SUN1: variants seen among roughly 807,000 people sequenced by gnomAD.
SUN1 encodes SUN domain-containing protein 1.
A neutral mutation model predicts 103.2 loss-of-function variants in SUN1; 61 were observed. The ratio of observed to expected loss-of-function variants is 0.59; its 90% CI spans 0.48 to 0.73. The LOEUF (loss-of-function observed/expected upper bound fraction) is 0.73, where lower values mean the gene tolerates loss of function less well. Ranked by LOEUF, SUN1 falls within the 30% of genes least tolerant of loss-of-function variation. SUN1 has a pLI of 0.00. For synonymous variants in SUN1, 490 were observed against 425.7 expected (o/e 1.15, Z -1.86); for missense variants, 1,052 against 1,034.6 (o/e 1.02, Z -0.23).
chr7:825,818 G>T (rs1353275712), intron 1 of SUN1, among the ~76,000 whole-genome samples: 1 of 150,254 alleles, frequency 6.7e-6, no homozygotes, highest in African/African-American at 2.4e-5. Context: ...GAAAAATAAT[G>T]TTTTTATTAG....
In SUN1 at chr7:856,501, C is replaced by T. The variant is rs766529772; in HGVS notation, c.1394+100C>T. ...TGAATGGGGGACCCGGGGCCGGCCT[C>T]CCCCGAGGGTCACCTGAAGGCCCTG... On this transcript the variant is annotated intron_variant, in intron 12 of 18. Coordinates refer to ENST00000401592, the MANE Select transcript of SUN1 (RefSeq NM_001130965.3). 747 of 1,382,422 alleles carry T rather than the reference C, an allele frequency of 5.4e-4. 1 individual carries two copies. The highest frequency in any genetic ancestry group is 2.6e-4 in the Non-Finnish European group (251 of 976,254). 85.6% of individuals were successfully genotyped at this position (1,382,422 alleles called of 1,614,324 possible). A position where few individuals can be genotyped will look rare whatever the true frequency, so the allele number is the denominator to read the frequency against.
rs1321836106 is a variant in SUN1, at chr7:873,638, C to T, written c.*307C>T. 1 of 272,112 alleles carries T rather than the reference C, an allele frequency of 3.7e-6. No individual in the cohort carries two copies. The highest frequency in any genetic ancestry group is 5.0e-5 in the Admixed American group (1 of 20,136). 16.9% of individuals were successfully genotyped at this position (272,112 alleles called of 1,614,324 possible). On this transcript the variant is annotated 3_prime_UTR_variant, in exon 19 of 19. Transcript: ENST00000401592. ...GCATTTCCTCAACAAAGGAGCAAAG[C>T]AGAGGAAGCTGAGAGTCTGGCGTGT...
chr7:850,172 A>C (rs1158584270), intron 5 of SUN1: 3 of 784,674 alleles, frequency 3.8e-6, no homozygotes, highest in Non-Finnish European at 4.0e-6. Flanking sequence ...TTGGTTTAAA[A>C]CAGGGTGAAT....
At chr7:832,727 A>T in intron 1 of SUN1, 126 bp downstream of exon 1, 1 of 749,704 alleles carries the variant, frequency 1.3e-6, no homozygotes. Context: ...GTGAAAAAAA[A>T]TAATAAACTG....
Position 852,901 on chromosome 7 carries a change from C to T in SUN1, c.1002C>T (p.Asp334=), listed in dbSNP as rs201953343. 73 of 1,613,928 alleles carry T rather than the reference C, an allele frequency of 4.5e-5. No homozygotes were observed. Among genetic ancestry groups the T allele is most frequent in the Middle Eastern group, 3.3e-4 (2 of 6,070 alleles). The change falls in exon 9 of 19, where the codon GAC becomes GAT. Residue 334 remains aspartate, a synonymous_variant. Coordinates refer to ENST00000401592, the MANE Select transcript of SUN1 (RefSeq NM_001130965.3). ...ASMHRTQRVD[D]PQDVFKPTTS... is the part of the protein sequence containing the mutation. ...TGCATAGAACACAGCGGGTGGATGACCCCCAGGACGTGTTTAAACCCACGA... is the reference window on the plus strand; with the variant it reads ...TGCATAGAACACAGCGGGTGGATGATCCCCAGGACGTGTTTAAACCCACGA...
At chr7:841,435 G>C (rs1809806512) in intron 2 of SUN1, among the ~76,000 whole-genome samples, 1 of 151,586 alleles carries the variant, frequency 6.6e-6, no homozygotes, top group Non-Finnish European at 1.5e-5. Context: ...GTAGAGATGG[G>C]GTTTCACCGT....
chr7:851,318 C>G, intron 5 of SUN1, 66 bp from the exon 6 acceptor site: 1 of 1,413,766 alleles, frequency 7.1e-7, no homozygotes, highest in Non-Finnish European at 9.7e-7. Flanking sequence ...GCGTCCCCAC[C>G]GTGCTGTCAC....
rs540319904 is a variant in SUN1 at position 854,943 on chromosome 7, A to G, written c.1287A>G (p.Gln429=). ...PRETDFMAFH[Q]EHEVRMSHLE... is the part of the protein sequence containing the mutation. ...AGACTGACTTTATGGCCTTTCACCA[A>G]GAACATGAAGTGCGTATGTCACACT... is the stretch of plus-strand genomic sequence containing the variant. Residue 429 remains glutamine (Q), a synonymous_variant, in exon 11 of 19, where the codon CAA becomes CAG. Transcript: ENST00000401592. 6 of 1,613,634 alleles carry G rather than the reference A, an allele frequency of 3.7e-6. No homozygotes were observed. The African/African-American group carries it at 8.0e-5, about 22-fold the overall frequency.
At chr7:828,014 G>T (rs975013909), upstream of SUN1, among the ~76,000 whole-genome samples, 1 of 149,094 alleles carries the variant, frequency 6.7e-6, no homozygotes, top group Non-Finnish European at 1.5e-5. Flanking sequence ...AGTGATTCTC[G>T]TGCCTCAGCC....
intron 5 of SUN1, chr7:849,580 T>G: frequency 7.0e-7 from 1 of 1,434,196 alleles, no homozygotes; most frequent in Non-Finnish European, 9.4e-7. Flanking sequence ...GATGGCCACC[T>G]CAGTGTAAAT....
rs371327765 is a variant in SUN1, at chr7:860,121, T to G, written c.1525-7T>G. Reference sequence around the variant, plus strand: ...AGGACATTTGTGTCCGTCTGCTGTTTTACTAGGTGGACGTGCAAGTCAGAG... The same window carrying G: ...AGGACATTTGTGTCCGTCTGCTGTTGTACTAGGTGGACGTGCAAGTCAGAG... On this transcript the variant is annotated splice_region_variant and splice_polypyrimidine_tract_variant and intron_variant, in intron 13 of 18. Coordinates refer to ENST00000401592, the MANE Select transcript of SUN1 (RefSeq NM_001130965.3). 6 of 1,613,116 alleles carry G rather than the reference T, an allele frequency of 3.7e-6. No homozygotes were observed. The African/African-American group carries it at 8.0e-5, about 22-fold the overall frequency.
At chr7:840,556 T>G (rs1389293081) in intron 2 of SUN1, among the ~76,000 whole-genome samples, 4 of 152,188 alleles carry the variant, frequency 2.6e-5, no homozygotes, top group Non-Finnish European at 5.9e-5. Context: ...GTGGTAACAT[T>G]CACAGGGTGT....
At chr7:826,721 G>A (rs1390838782) in intron 1 of SUN1, among the ~76,000 whole-genome samples, 7 of 152,196 alleles carry the variant, frequency 4.6e-5, no homozygotes, top group East Asian at 3.8e-4. Context: ...GGAACGCTGC[G>A]TCTCACTGGG....
At chr7:856,436 C>G in intron 12 of SUN1, 35 bp downstream of exon 12, 1 of 1,612,328 alleles carries the variant, frequency 6.2e-7, no homozygotes, top group Middle Eastern at 1.7e-4. Context: ...CTTTTGTCTT[C>G]GGTGTGTGTG....
intron 5 of SUN1, chr7:849,707 G>A (rs1233286376): frequency 1.5e-6 from 2 of 1,321,068 alleles, no homozygotes; most frequent in Admixed American, 1.7e-5. Flanking sequence ...GTGTGACATG[G>A]TGGTCCTCAC....
chr7:851,844 C>T (rs1289687564), intron 6 of SUN1, 106 bp from the exon 7 acceptor site: 13 of 1,188,974 alleles, frequency 1.1e-5, no homozygotes, highest in East Asian at 7.1e-5. Context: ...TCACCTCCAG[C>T]TTCATCTTCA....
chr7:867,839 G>A (rs1439612988), intron 16 of SUN1, among the ~76,000 whole-genome samples: 1 of 152,236 alleles, frequency 6.6e-6, no homozygotes, highest in Non-Finnish European at 1.5e-5. Flanking sequence ...GAACGTCAGG[G>A]AGGTTGCTGT....
chr7:834,299 T>C (rs1050845887), intron 1 of SUN1, among the ~76,000 whole-genome samples: 27 of 151,996 alleles, frequency 1.8e-4, no homozygotes, highest in African/African-American at 6.5e-4. Flanking sequence ...GGTGGGGGGC[T>C]CTCTGAGGTT....
intron 1 of SUN1, among the ~76,000 whole-genome samples, chr7:833,455 C>T (rs779467164): frequency 2.0e-5 from 3 of 152,004 alleles, no homozygotes; most frequent in African/African-American, 7.3e-5. Flanking sequence ...GGATTACAGA[C>T]GTGCGCCACC....
Sources: allele counts gnomAD v4.1 joint callset (sites outside exome capture counted in the v4.1 genomes callset), GRCh38; gene constraint gnomAD v4.1.1; transcripts MANE v1.5; gene names NCBI Gene and HGNC (gene_info 2026-07-23, HGNC 2026-07-21).